The following RIMS2 variants were observed in gnomAD, a reference collection of about 807,000 sequenced individuals.
RIMS2 encodes regulating synaptic membrane exocytosis protein 2.
RIMS2 carries 59 observed loss-of-function variants against 174.4 expected under a neutral mutation model. That is an observed-to-expected ratio of 0.34 (90% confidence interval 0.27 to 0.42). RIMS2 has a LOEUF of 0.42. RIMS2 is among the 10% of genes least tolerant of loss of function. RIMS2 has a pLI of 1.00. For synonymous variants in RIMS2, 606 were observed against 572.5 expected, an observed-to-expected ratio of 1.06 and a Z score of -0.84; for missense variants, 1,620 against 1,666.3, an observed-to-expected ratio of 0.97 and a Z score of 0.48.
At chr8:104,211,057 A>G (rs2099103110) in intron 19 of RIMS2, among the ~76,000 whole-genome samples, 1 of 152,220 alleles carries the variant, frequency 6.6e-6, no homozygotes, top group South Asian at 2.1e-4. Context: ...AACTAGAGAC[A>G]CACACCCAAA....
At chr8:103,731,545 C>CT (rs1009955119) in intron 2 of RIMS2, among the ~76,000 whole-genome samples, 47 of 152,152 alleles carry the variant, frequency 3.1e-4, no homozygotes, top group African/African-American at 1.1e-3. Flanking sequence ...TTCTAACTCT[C>CT]TATCTCCTCT....
chr8:103,735,117 G>A lies in RIMS2; in HGVS notation c.388-31110G>A, dbSNP rs114572218. Among the ~76,000 whole-genome samples the A allele has an allele frequency of 1.5e-3, 231 of 152,246 alleles. 1 individual carries two copies. The highest frequency in any genetic ancestry group is 5.2e-3 in the African/African-American group (218 of 41,554). ...CAGCCTATTTCTCCTCACATCTGTGGCAGCTTCCTCCTCTTCTCACTGCTC... is the reference window on the plus strand; with the variant it reads ...CAGCCTATTTCTCCTCACATCTGTGACAGCTTCCTCCTCTTCTCACTGCTC... On this transcript the variant is annotated intron_variant, in intron 2 of 23. Coordinates refer to ENST00000504942, the Ensembl canonical transcript of RIMS2.
intron 1 of RIMS2, among the ~76,000 whole-genome samples, chr8:103,586,311 A>T (rs2093918319): frequency 6.6e-6 from 1 of 152,236 alleles, no homozygotes; most frequent in Non-Finnish European, 1.5e-5. Context: ...TTTCATCAGC[A>T]TATGGATCAT....
chr8:103,520,479 G>C (rs1476599505), intron 1 of RIMS2, among the ~76,000 whole-genome samples: 1 of 152,104 alleles, frequency 6.6e-6, no homozygotes, highest in Non-Finnish European at 1.5e-5. Flanking sequence ...CTTGGGGTAA[G>C]AAGATGTTTT....
At chr8:103,536,945 G>A (rs533755874) in intron 1 of RIMS2, among the ~76,000 whole-genome samples, 1 of 152,284 alleles carries the variant, frequency 6.6e-6, no homozygotes, top group African/African-American at 2.4e-5. Context: ...TTGACAATAG[G>A]TTGTAAAACA....
intron 17 of RIMS2, among the ~76,000 whole-genome samples, chr8:103,997,325 T>C (rs1596679035): frequency 6.6e-6 from 1 of 151,754 alleles, no homozygotes; most frequent in African/African-American, 2.4e-5. Context: ...GGCATCTCTT[T>C]TGGTGCAGAA....
chr8:103,511,467 T>C (rs544608271), intron 1 of RIMS2, among the ~76,000 whole-genome samples: 1 of 152,328 alleles, frequency 6.6e-6, no homozygotes, highest in East Asian at 1.9e-4. Flanking sequence ...GCATGTTTGG[T>C]TGAATATCCA....
intron 2 of RIMS2, among the ~76,000 whole-genome samples, chr8:103,704,882 A>G (rs1292270967): frequency 6.6e-6 from 1 of 151,154 alleles, no homozygotes; most frequent in Non-Finnish European, 1.5e-5. Context: ...GAGGTTTGTT[A>G]ATTTTGTTTA....
intron 1 of RIMS2, among the ~76,000 whole-genome samples, chr8:103,655,896 G>T (rs1427169318): frequency 1.3e-5 from 2 of 152,024 alleles, no homozygotes; most frequent in Non-Finnish European, 2.9e-5. Flanking sequence ...ATATTGAAGA[G>T]ATTTAAACAT....
intron 19 of RIMS2, among the ~76,000 whole-genome samples, chr8:104,048,114 A>C (rs1566023203): frequency 6.6e-6 from 1 of 152,208 alleles, no homozygotes; most frequent in Admixed American, 6.5e-5. Context: ...ACAATGTGGC[A>C]GGTATAAACT....
intron 1 of RIMS2, among the ~76,000 whole-genome samples, chr8:103,625,641 C>T (rs952038373): frequency 2.0e-5 from 3 of 151,782 alleles, no homozygotes; most frequent in Non-Finnish European, 4.4e-5. Context: ...AATGACATCT[C>T]GAGATCACAG....
chr8:103,719,455 A>G (rs903902280), intron 2 of RIMS2, among the ~76,000 whole-genome samples: 2 of 152,246 alleles, frequency 1.3e-5, no homozygotes, highest in South Asian at 2.1e-4. Flanking sequence ...AAGGAAGTGC[A>G]TGATGATCAT....
At chr8:103,554,286 A>G (rs58830510) in intron 1 of RIMS2, among the ~76,000 whole-genome samples, 28,824 of 152,152 alleles carry the variant, frequency 0.19, 2,954 homozygotes, top group Middle Eastern at 0.3. Context: ...TTTGCATACT[A>G]TGCATCCAGC....
chr8:104,192,652 A>G (rs1563665435), intron 19 of RIMS2, among the ~76,000 whole-genome samples: 1 of 152,164 alleles, frequency 6.6e-6, no homozygotes, highest in Non-Finnish European at 1.5e-5. Flanking sequence ...CTTTCTGGAG[A>G]TGAAACCCAG....
intron 1 of RIMS2, among the ~76,000 whole-genome samples, chr8:103,639,934 G>A (rs1411129843): frequency 1.3e-5 from 2 of 151,812 alleles, no homozygotes; most frequent in African/African-American, 2.4e-5. Flanking sequence ...CATAAGAACT[G>A]ACATCTTAAA....
intron 19 of RIMS2, among the ~76,000 whole-genome samples, chr8:104,027,752 A>G (rs1381879837): frequency 6.6e-6 from 1 of 152,162 alleles, no homozygotes; most frequent in Non-Finnish European, 1.5e-5. Context: ...AATGAGTATG[A>G]AATTGTAAAC....
intron 19 of RIMS2, among the ~76,000 whole-genome samples, chr8:104,065,333 C>T (rs1241522694): frequency 6.6e-6 from 1 of 151,904 alleles, no homozygotes; most frequent in Non-Finnish European, 1.5e-5. Flanking sequence ...TAGTGAACAG[C>T]CCTTCTATTT....
At chr8:103,841,156 T>C (rs1465402018) in intron 3 of RIMS2, among the ~76,000 whole-genome samples, 2 of 152,190 alleles carry the variant, frequency 1.3e-5, no homozygotes, top group African/African-American at 2.4e-5. Context: ...AATGCTGCTG[T>C]TTAGGAATTA....
At chr8:103,651,000 A>G (rs2096441495) in intron 1 of RIMS2, among the ~76,000 whole-genome samples, 1 of 152,186 alleles carries the variant, frequency 6.6e-6, no homozygotes, top group South Asian at 2.1e-4. Context: ...GCCTTGATGC[A>G]GATTCCGGGG....
Sources: allele counts gnomAD v4.1 joint callset (sites outside exome capture counted in the v4.1 genomes callset), GRCh38; gene constraint gnomAD v4.1.1; transcripts MANE v1.5; gene names NCBI Gene and HGNC (gene_info 2026-07-23, HGNC 2026-07-21).